The following AP3B1 variants were observed in gnomAD, a reference collection of about 807,000 sequenced individuals.
AP3B1 encodes AP-3 complex subunit beta-1.
Under a neutral mutation model 132.5 loss-of-function variants are expected in AP3B1, and 61 were observed. That is an observed-to-expected ratio of 0.46 (90% CI 0.37 to 0.57). The LOEUF (loss-of-function observed/expected upper bound fraction) is 0.57, where lower values mean the gene tolerates loss of function less well. Ranked by LOEUF, AP3B1 falls within the 20% of genes least tolerant of loss-of-function variation. The pLI, the probability that AP3B1 is intolerant of heterozygous loss-of-function variation, is 0.00. For synonymous variants in AP3B1, 388 were observed against 438.3 expected, an observed-to-expected ratio of 0.89 and a Z score of 1.43; for missense variants, 1,120 against 1,289.4, an observed-to-expected ratio of 0.87 and a Z score of 2.01.
At chr5:78,151,983 C>T (rs1430914100) in intron 14 of AP3B1, among the ~76,000 whole-genome samples, 2 of 21,098 alleles carry the variant, frequency 9.5e-5, no homozygotes, top group Admixed American at 3.7e-4. Context: ...CCCTCCCATC[C>T]CCTCCCCCTT....
chr5:78,015,490 G>C lies in AP3B1; in HGVS notation c.3051C>G (p.Phe1017Leu), dbSNP rs1746820021. The change falls in exon 26 of 27, where the codon TTC (phenylalanine) becomes TTG (leucine). Residue 1017 changes from phenylalanine to leucine, a missense_variant. Coordinates refer to ENST00000255194, the MANE Select transcript of AP3B1 (RefSeq NM_003664.5). ...SAVIIAAPQN[F>L]TPSVIFQKVV... ...CCTTCTGAAAGATCACAGAGGGAGT[G>C]AAATTCTGTGGTGCAGCAATGATTA... is the stretch of plus-strand genomic sequence containing the variant. The C allele has an allele frequency of 3.1e-6, 5 of 1,613,516 alleles. No homozygotes were observed. Among genetic ancestry groups the C allele is most frequent in the Non-Finnish European group, 3.4e-6 (4 of 1,179,816 alleles).
intron 6 of AP3B1, among the ~76,000 whole-genome samples, chr5:78,217,871 T>C (rs1007980446): frequency 2.6e-5 from 4 of 152,104 alleles, no homozygotes; most frequent in African/African-American, 4.8e-5. Flanking sequence ...TAAAATACTA[T>C]GTAAAATCAA....
At chr5:78,048,205 A>G (rs1748422888) in intron 22 of AP3B1, among the ~76,000 whole-genome samples, 1 of 152,248 alleles carries the variant, frequency 6.6e-6, no homozygotes, top group Admixed American at 6.5e-5. Context: ...CTGAAGTATC[A>G]GAAATGTTCT....
intron 11 of AP3B1, among the ~76,000 whole-genome samples, chr5:78,166,127 A>T (rs1166764382): frequency 0.032 from 149 of 4,628 alleles, no homozygotes; most frequent in East Asian, 0.078. Context: ...TCACACACAC[A>T]CACACACACA....
chr5:78,264,735 C>T (rs1337051120), intron 2 of AP3B1, among the ~76,000 whole-genome samples: 4 of 152,150 alleles, frequency 2.6e-5, no homozygotes, highest in Non-Finnish European at 5.9e-5. Context: ...ATAAACAGTC[C>T]GTCTGGAAAG....
chr5:78,101,331 GT>G (rs1220132710), intron 20 of AP3B1: 2 of 455,066 alleles, frequency 4.4e-6, no homozygotes, highest in Admixed American at 2.7e-5. Context: ...AAAACGTAAA[GT>G]GGCTCTTTGG....
intron 7 of AP3B1, among the ~76,000 whole-genome samples, chr5:78,185,519 G>T (rs1005054693): frequency 1.4e-4 from 21 of 152,138 alleles, no homozygotes; most frequent in Non-Finnish European, 2.6e-4. Flanking sequence ...AGACTGTGAT[G>T]GTAAGATGAT....
intron 24 of AP3B1, among the ~76,000 whole-genome samples, chr5:78,033,163 T>C (rs1747649956): frequency 6.6e-6 from 1 of 152,116 alleles, no homozygotes; most frequent in East Asian, 1.9e-4. Context: ...AAAATGAATA[T>C]ACCTCTGGTG....
In AP3B1 at chr5:78,034,365, A is replaced by C. The variant is rs750377910; in HGVS notation, c.2890T>G (p.Leu964Val). The C allele has an allele frequency of 6.2e-7, 1 of 1,609,810 alleles. No individual in the cohort carries two copies. Among genetic ancestry groups the C allele is most frequent in the Non-Finnish European group, 8.5e-7 (1 of 1,176,352 alleles). ...TAGAAGAACAATTGAACTTACCACA[A>C]CTGGAAACTGGCAGTCTGAGTAGAA... is the stretch of plus-strand genomic sequence containing the variant. ...CDSTQTASFQ[L>V]CTKDDCFNVN... The change falls in exon 24 of 27, where the codon TTG becomes GTG. Residue 964 changes from leucine to valine, a missense_variant. Physicochemically the swap from Leu to Val is conservative, Grantham distance 32. This residue lies in a region of AP3B1 where 906 missense variants were observed against 997.1 expected (regional missense o/e 0.91). Transcript: ENST00000255194.
chr5:78,153,650 T>C (rs998492940), intron 14 of AP3B1, among the ~76,000 whole-genome samples: 5 of 152,210 alleles, frequency 3.3e-5, no homozygotes, highest in African/African-American at 1.2e-4. Context: ...CTTCCTGTTT[T>C]CCTTTTAATG....
intron 2 of AP3B1, among the ~76,000 whole-genome samples, chr5:78,255,635 T>C (rs1747817377): frequency 6.6e-6 from 1 of 152,062 alleles, no homozygotes; most frequent in Admixed American, 6.5e-5. Context: ...CAGGCCCAAA[T>C]GCAATAACAG....
intron 21 of AP3B1, among the ~76,000 whole-genome samples, chr5:78,092,478 A>G (rs1206846658): frequency 6.6e-6 from 1 of 152,160 alleles, no homozygotes; most frequent in East Asian, 1.9e-4. Context: ...AAGTGACTCT[A>G]TGGGGTTTTT....
intron 22 of AP3B1, chr5:78,041,884 G>T: frequency 5.4e-6 from 1 of 185,460 alleles, no homozygotes. Context: ...TGCGATCTCA[G>T]CTCACTCAGG....
rs114185930 is a variant in AP3B1 at position 78,014,712 on chromosome 5, T to A, written c.3131+698A>T. Among the ~76,000 whole-genome samples the A allele has an allele frequency of 5.9e-3, 897 of 152,318 alleles. 13 individuals are homozygous for A. The highest frequency in any genetic ancestry group is 0.02 in the African/African-American group (842 of 41,572). ...CTGCCATGAGATGGTTTGCAACGAA[T>A]TCCCTTAAGCTCACAGAGGACTGTG... On this transcript the variant is annotated intron_variant, in intron 26 of 26. Coordinates refer to ENST00000255194, the MANE Select transcript of AP3B1 (RefSeq NM_003664.5).
At chr5:78,154,544 G>A (rs79184026) in intron 14 of AP3B1, among the ~76,000 whole-genome samples, 13,357 of 152,084 alleles carry the variant, frequency 0.088, 1,023 homozygotes, top group African/African-American at 0.2. Context: ...TTCCATCCCT[G>A]CCCCTTTCTC....
At chr5:78,275,851 G>A (rs1007540467) in intron 1 of AP3B1, among the ~76,000 whole-genome samples, 3 of 151,990 alleles carry the variant, frequency 2.0e-5, no homozygotes, top group African/African-American at 7.2e-5. Context: ...TAAAAAATTC[G>A]AACAACATAA....
At chr5:78,167,630 T>TACAC (rs766621981) in intron 11 of AP3B1, among the ~76,000 whole-genome samples, 29 of 150,798 alleles carry the variant, frequency 1.9e-4, no homozygotes, top group African/African-American at 6.7e-4. Flanking sequence ...ATGTTATATA[T>TACAC]ATACACACAC....
chr5:78,258,899 G>C (rs996656645), intron 2 of AP3B1, among the ~76,000 whole-genome samples: 2 of 152,166 alleles, frequency 1.3e-5, no homozygotes, highest in African/African-American at 4.8e-5. Flanking sequence ...CAACAACATG[G>C]GTGGAAATGA....
chr5:78,101,093 A>C (rs1751105032), intron 20 of AP3B1, 68 bp from the exon 21 acceptor site: 1 of 944,272 alleles, frequency 1.1e-6, no homozygotes, highest in East Asian at 2.6e-5. Flanking sequence ...AGTCCTTAAT[A>C]TTCCAAAACA....
Sources: gnomAD v4.1 joint callset for allele counts (sites outside exome capture counted in the v4.1 genomes callset) on GRCh38, gnomAD v4.1.1 for gene constraint, gnomAD v4.1.1 regional missense constraint, MANE v1.5 for transcripts, NCBI Gene and HGNC (gene_info 2026-07-23, HGNC 2026-07-21) for gene names.